Variants in SUGCT observed in about 807,000 individuals in gnomAD.
SUGCT encodes the protein succinyl-CoA:glutarate-CoA transferase.
In SUGCT, 41 loss-of-function variants were observed where a neutral mutation model predicts 55.0. That is an observed-to-expected ratio of 0.74 (90% CI 0.58 to 0.97). The LOEUF (loss-of-function observed/expected upper bound fraction) is 0.97, where lower values mean the gene tolerates loss of function less well. Among genes scored for constraint, SUGCT ranks in the 50% least tolerant of loss-of-function variants. The pLI is 0.00. For synonymous variants in SUGCT, 187 were observed against 200.4 expected, an observed-to-expected ratio of 0.93 and a Z score of 0.56; for missense variants, 568 against 547.8, an observed-to-expected ratio of 1.04 and a Z score of -0.37.
intron 9 of SUGCT, among the ~76,000 whole-genome samples, chr7:40,387,674 T>G (rs2151294715): frequency 6.6e-6 from 1 of 152,286 alleles, no homozygotes; most frequent in Non-Finnish European, 1.5e-5. Flanking sequence ...TGAGTTCTCC[T>G]CTGTTAAAGG....
chr7:40,173,400 G>C (rs572452562), intron 1 of SUGCT, among the ~76,000 whole-genome samples: 1 of 152,318 alleles, frequency 6.6e-6, no homozygotes, highest in South Asian at 2.1e-4. Context: ...GCAAGCGAAA[G>C]CTCAGCTTGA....
chr7:40,269,783 T>A (rs1023341163), intron 7 of SUGCT, among the ~76,000 whole-genome samples: 2 of 152,232 alleles, frequency 1.3e-5, no homozygotes, highest in Non-Finnish European at 2.9e-5. Context: ...TCTATTGAGA[T>A]CTTTTGCCCA....
chr7:40,881,407 G>C, the SUGCT span, among the ~76,000 whole-genome samples: 1 of 152,100 alleles, frequency 6.6e-6, no homozygotes, highest in Non-Finnish European at 1.5e-5. Flanking sequence ...ACTCAATGAT[G>C]TACAGAGATT....
At chr7:40,799,882 G>C (rs969879554) in intron 13 of SUGCT, among the ~76,000 whole-genome samples, 1 of 152,184 alleles carries the variant, frequency 6.6e-6, no homozygotes, top group African/African-American at 2.4e-5. Context: ...TAGCAAACCT[G>C]TCCCAGATGA....
At chr7:40,981,652 T>C in the SUGCT span, among the ~76,000 whole-genome samples, 2 of 152,324 alleles carry the variant, frequency 1.3e-5, no homozygotes, top group East Asian at 3.9e-4. Context: ...AGACACTCCT[T>C]CAATACTTGG....
chr7:40,470,378 A>G (rs1213211882), intron 11 of SUGCT, among the ~76,000 whole-genome samples: 1 of 152,004 alleles, frequency 6.6e-6, no homozygotes, highest in East Asian at 1.9e-4. Flanking sequence ...TGTTTCTAGT[A>G]AGGGCCGACA....
chr7:40,757,281 G>A (rs1035734050), intron 13 of SUGCT, among the ~76,000 whole-genome samples: 23 of 152,194 alleles, frequency 1.5e-4, no homozygotes. Context: ...CAGGAGCCAA[G>A]TTACTGTCGC....
At chr7:40,324,252 A>ATATATATATATATATATATATAT (rs1554311560) in intron 9 of SUGCT, among the ~76,000 whole-genome samples, 6 of 117,608 alleles carry the variant, frequency 5.1e-5, no homozygotes, top group Non-Finnish European at 8.3e-5. Flanking sequence ...TAAATAAATA[A>ATATATATATATATATATATATAT]ATATATATAT....
In SUGCT at chr7:40,624,561, G is replaced by A. The variant is rs116483886; in HGVS notation, c.1090-124873G>A. 5.6e-3 allele frequency among the ~76,000 whole-genome samples: 852 copies of A among 152,204 alleles called. 6 individuals carry two copies. The highest frequency in any genetic ancestry group is 0.019 in the African/African-American group (781 of 41,526). Reference sequence around the variant, plus strand: ...GATAAGTGAAGGCAATCTGATTTGAGACCTTGTGTGCTTAATTAACTAATG... The same window carrying A: ...GATAAGTGAAGGCAATCTGATTTGAAACCTTGTGTGCTTAATTAACTAATG... On this transcript the variant is annotated intron_variant, in intron 12 of 13. Coordinates refer to ENST00000335693, the MANE Select transcript of SUGCT (RefSeq NM_001193313.2).
At chr7:40,147,554 G>A (rs1402760947) in intron 1 of SUGCT, among the ~76,000 whole-genome samples, 4 of 152,196 alleles carry the variant, frequency 2.6e-5, no homozygotes, top group East Asian at 1.9e-4. Context: ...CCTTAGTCCC[G>A]ACCACCAAGG....
the SUGCT span, among the ~76,000 whole-genome samples, chr7:41,017,254 CTGGGTTAT>C: frequency 6.6e-6 from 1 of 152,084 alleles, no homozygotes; most frequent in East Asian, 1.9e-4. Flanking sequence ...TCAAAGGGGC[CTGGGTTAT>C]TGGAAAAGCC....
At chr7:40,297,186 T>G (rs560861360) in intron 8 of SUGCT, among the ~76,000 whole-genome samples, 1 of 152,270 alleles carries the variant, frequency 6.6e-6, no homozygotes, top group African/African-American at 2.4e-5. Context: ...ACCTTATTAC[T>G]ACATTCCTTA....
chr7:41,011,484 A>C, the SUGCT span, among the ~76,000 whole-genome samples: 64 of 152,344 alleles, frequency 4.2e-4, no homozygotes, highest in African/African-American at 1.5e-3. Context: ...TGGTACCCCA[A>C]CTGGGGTATC....
intron 12 of SUGCT, among the ~76,000 whole-genome samples, chr7:40,498,403 GTTGT>G (rs1792101484): frequency 1.3e-5 from 2 of 152,142 alleles, no homozygotes; most frequent in Non-Finnish European, 2.9e-5. Flanking sequence ...GGGTTAATGA[GTTGT>G]TTAACTCTGG....
chr7:40,258,149 C>T (rs999023843), intron 7 of SUGCT, among the ~76,000 whole-genome samples: 13 of 152,292 alleles, frequency 8.5e-5, no homozygotes, highest in African/African-American at 3.1e-4. Context: ...ACATCCTGGC[C>T]TTTTCTCTCC....
chr7:40,657,717 G>A (rs1013940378), intron 12 of SUGCT, among the ~76,000 whole-genome samples: 1 of 152,192 alleles, frequency 6.6e-6, no homozygotes, highest in African/African-American at 2.4e-5. Context: ...TGTATTTTTA[G>A]TGGAGACGGG....
chr7:40,998,114 C>T, the SUGCT span, among the ~76,000 whole-genome samples: 1 of 152,118 alleles, frequency 6.6e-6, no homozygotes, highest in Non-Finnish European at 1.5e-5. Context: ...CACCTGTAAT[C>T]CCAGCACTCT....
Position 40,719,015 on chromosome 7 carries a change from C to A in SUGCT, c.1090-30419C>A, listed in dbSNP as rs185064061. ...TGTAACATTCCTAAAATACAAATTT[C>A]ATCATGTTATTCTATGTCTAAACTT... On this transcript the variant is annotated intron_variant, in intron 12 of 13. Transcript: ENST00000335693. Among the ~76,000 whole-genome samples the A allele has an allele frequency of 1.2e-3, 180 of 152,296 alleles. 2 individuals carry two copies. The highest frequency in any genetic ancestry group is 4.1e-3 in the African/African-American group (172 of 41,566).
At chr7:40,862,485 A>G (rs113971638), downstream of SUGCT, among the ~76,000 whole-genome samples, 554 of 152,286 alleles carry the variant, frequency 3.6e-3, 1 homozygote, top group African/African-American at 0.012. Context: ...ATTTCTAACA[A>G]TATGCCCCAG....
Sources: gnomAD v4.1 joint callset for allele counts (sites outside exome capture counted in the v4.1 genomes callset) on GRCh38, gnomAD v4.1.1 for gene constraint, MANE v1.5 for transcripts, NCBI Gene and HGNC (gene_info 2026-07-23, HGNC 2026-07-21) for gene names.